Variants in PLXNC1 observed in about 807,000 individuals in gnomAD.
The protein encoded by PLXNC1 is plexin C1.
Under a neutral mutation model 178.2 loss-of-function variants are expected in PLXNC1, and 75 were observed. That is an observed-to-expected ratio of 0.42 (90% CI 0.35 to 0.51). The LOEUF (loss-of-function observed/expected upper bound fraction) is 0.51, where lower values mean the gene tolerates loss of function less well. Among genes scored for constraint, PLXNC1 ranks in the 20% least tolerant of loss-of-function variants. The pLI is 0.02. For synonymous variants in PLXNC1, 790 were observed against 779.9 expected (o/e 1.01, Z -0.22); for missense variants, 1,503 against 1,984.4 (o/e 0.76, Z 4.61).
chr12:94,156,237 T>C (rs1961162508), intron 1 of PLXNC1, among the ~76,000 whole-genome samples: 1 of 152,220 alleles, frequency 6.6e-6, no homozygotes, highest in African/African-American at 2.4e-5. Context: ...TTACTACTAA[T>C]AGTGTTAGGA....
At chr12:94,150,727 C>A (rs1216869580) in intron 1 of PLXNC1, 1 of 152,366 alleles carries the variant, frequency 6.6e-6, no homozygotes, top group Non-Finnish European at 1.5e-5. Context: ...AGAGGCTGGG[C>A]GGGAGGTGGC....
chr12:94,233,529 G>C (rs775505801), intron 9 of PLXNC1, among the ~76,000 whole-genome samples: 2 of 152,206 alleles, frequency 1.3e-5, no homozygotes, highest in Non-Finnish European at 2.9e-5. Flanking sequence ...AGAGAAGTGA[G>C]TCTTGATCTC....
At chr12:94,257,470 C>CT (rs1964875223) in intron 17 of PLXNC1, among the ~76,000 whole-genome samples, 1 of 152,108 alleles carries the variant, frequency 6.6e-6, no homozygotes, top group Non-Finnish European at 1.5e-5. Context: ...AGGAAGCAGC[C>CT]TTAAAACTCA....
In PLXNC1 at chr12:94,297,367, G is replaced by A. The variant is rs1968041630; in HGVS notation, c.4018G>A (p.Gly1340Arg). 3 of 1,613,992 alleles carry A rather than the reference G, an allele frequency of 1.9e-6. No homozygotes were observed. Among genetic ancestry groups the A allele is most frequent in the Non-Finnish European group, 1.7e-6 (2 of 1,179,956 alleles). The change falls in exon 26 of 31, where the codon GGG (glycine) becomes AGG (arginine). Residue 1340 changes from glycine to arginine, a missense_variant. Gly to Arg is a moderately radical substitution (Grantham distance 125). This residue lies in a region of PLXNC1 where 639 missense variants were observed against 979.7 expected (regional missense o/e 0.65). Coordinates refer to ENST00000258526, the MANE Select transcript of PLXNC1 (RefSeq NM_005761.3). Reference sequence around the variant, plus strand: ...AGATGTGCAAGGAAAGAGACATCGAGGGAAGCACAAGTTCAAAGTAAAAGA... The same window carrying A: ...AGATGTGCAAGGAAAGAGACATCGAAGGAAGCACAAGTTCAAAGTAAAAGA... ...FQDVQGKRHR[G>R]KHKFKVKEMY...
chr12:94,279,167 G>T (rs999473747), intron 21 of PLXNC1, among the ~76,000 whole-genome samples: 3 of 152,062 alleles, frequency 2.0e-5, no homozygotes, highest in Non-Finnish European at 4.4e-5. Flanking sequence ...TTTCTTTTGA[G>T]GAGAAATTAG....
chr12:94,234,128 G>T (rs899405623), intron 9 of PLXNC1, among the ~76,000 whole-genome samples: 1 of 144,452 alleles, frequency 6.9e-6, no homozygotes, highest in Non-Finnish European at 1.5e-5. Flanking sequence ...CAGAGAGTTT[G>T]CTATATTCAG....
intron 21 of PLXNC1, among the ~76,000 whole-genome samples, chr12:94,272,702 CTG>C (rs1302318597): frequency 2.0e-5 from 3 of 152,250 alleles, no homozygotes; most frequent in Non-Finnish European, 2.9e-5. Context: ...CCCACTGAAT[CTG>C]GAGCATACTG....
intron 4 of PLXNC1, among the ~76,000 whole-genome samples, chr12:94,192,442 GT>G (rs1426759697): frequency 6.6e-6 from 1 of 151,380 alleles, no homozygotes; most frequent in Non-Finnish European, 1.5e-5. Context: ...ATGTGTATCA[GT>G]TAGGTTTCTG....
intron 1 of PLXNC1, chr12:94,150,716 G>A (rs1960929428): frequency 6.6e-6 from 1 of 152,486 alleles, no homozygotes; most frequent in South Asian, 2.1e-4. Context: ...CAGCCGCCGG[G>A]AGAGGCTGGG....
rs117324576 is a variant in PLXNC1 at position 94,220,010 on chromosome 12, G to T, written c.1555-6G>T. 6.8e-6 allele frequency: 11 copies of T among 1,612,734 alleles called. No individual in the cohort carries two copies. Among genetic ancestry groups the T allele is most frequent in the Non-Finnish European group, 8.5e-6 (10 of 1,179,232 alleles). Reference sequence around the variant, plus strand: ...ATCATTTTTTCCCCATATCTTCCCCGCACAGACTACAGTGACTATGGTGGG... The same window carrying T: ...ATCATTTTTTCCCCATATCTTCCCCTCACAGACTACAGTGACTATGGTGGG... On this transcript the variant is annotated splice_polypyrimidine_tract_variant and splice_region_variant and intron_variant, in intron 5 of 30. Transcript: ENST00000258526.
intron 9 of PLXNC1, among the ~76,000 whole-genome samples, chr12:94,230,785 C>A (rs1384027052): frequency 1.3e-5 from 2 of 152,220 alleles, no homozygotes; most frequent in Non-Finnish European, 2.9e-5. Flanking sequence ...TGCTTCAATG[C>A]ATCTGCCCAC....
At chr12:94,165,581 T>TGCTC (rs1565788619) in intron 1 of PLXNC1, among the ~76,000 whole-genome samples, 1 of 149,314 alleles carries the variant, frequency 6.7e-6, no homozygotes, top group Non-Finnish European at 1.5e-5. Flanking sequence ...AGAACTGCAG[T>TGCTC]TTAGTGTCCG....
At chr12:94,215,858 A>AC (rs1378619785) in intron 5 of PLXNC1, among the ~76,000 whole-genome samples, 2 of 152,246 alleles carry the variant, frequency 1.3e-5, no homozygotes, top group Non-Finnish European at 2.9e-5. Flanking sequence ...AACCAACAGA[A>AC]AATGAAGTTG....
rs541215496 is a variant in PLXNC1, at chr12:94,181,370, G to C, written c.1204-76G>C. 1,249 of 991,672 alleles carry C rather than the reference G, an allele frequency of 1.3e-3. 4 individuals are homozygous for C. The highest frequency in any genetic ancestry group is 5.2e-3 in the Middle Eastern group (15 of 2,910). 61.4% of individuals were successfully genotyped at this position (991,672 alleles called of 1,614,324 possible). On this transcript the variant is annotated intron_variant, in intron 2 of 30. Coordinates refer to ENST00000258526, the MANE Select transcript of PLXNC1 (RefSeq NM_005761.3). ...GCCAATGCATTCCAGCCTGGCGACA[G>C]AGCGAGATTCCGTCTCAAAAAAAAA...
intron 17 of PLXNC1, among the ~76,000 whole-genome samples, chr12:94,257,545 G>A (rs953465383): frequency 2.6e-5 from 4 of 152,164 alleles, no homozygotes; most frequent in African/African-American, 7.2e-5. Context: ...AGGCCGAGGC[G>A]GGTGGATCAC....
chr12:94,169,169 C>G lies in PLXNC1; in HGVS notation c.1079C>G (p.Pro360Arg). Reference sequence around the variant, plus strand: ...CATGTTCAGAAAGAAGGGGATCAACCTGAAAGAGTCCAACCAATCGCATCA... The same window carrying G: ...CATGTTCAGAAAGAAGGGGATCAACGTGAAAGAGTCCAACCAATCGCATCA... ...AESHCKEGDQ[P>R]ERVQPIASST... The change falls in exon 2 of 31, where the codon CCT becomes CGT. Residue 360 changes from proline (P) to arginine (R), a missense_variant. Transcript: ENST00000258526. 1 of 1,613,846 alleles carries G rather than the reference C, an allele frequency of 6.2e-7. No homozygotes were observed.
intron 23 of PLXNC1, 23 bp downstream of exon 23, chr12:94,282,424 T>C: frequency 2.7e-6 from 4 of 1,468,482 alleles, no homozygotes; most frequent in Non-Finnish European, 3.8e-6. Context: ...CTTGACCCCG[T>C]GTCTCCTTCC....
rs1207684973 is a variant in PLXNC1 at position 94,259,367 on chromosome 12, G to A, written c.3118G>A (p.Asp1040Asn). Residue 1040 changes from aspartate to asparagine, a missense_variant, in exon 18 of 31, where the codon GAT becomes AAT. This residue lies in a region of PLXNC1 where 639 missense variants were observed against 979.7 expected (regional missense o/e 0.65). Coordinates refer to ENST00000258526, the MANE Select transcript of PLXNC1 (RefSeq NM_005761.3). ...SGGFTHIFTE[D>N]MHNRDANDKN... ...TGGCTTCACCCACATCTTCACTGAA[G>A]ATATGCATGTAAGTCTCTACGTTTT... The A allele has an allele frequency of 1.3e-6, 2 of 1,597,444 alleles. No individual in the cohort carries two copies. Among genetic ancestry groups the A allele is most frequent in the Non-Finnish European group, 1.7e-6 (2 of 1,174,770 alleles).
intron 21 of PLXNC1, among the ~76,000 whole-genome samples, chr12:94,274,123 C>G (rs951512648): frequency 1.1e-4 from 13 of 121,256 alleles, no homozygotes; most frequent in African/African-American, 4.2e-4. Flanking sequence ...GAGTTCAAGA[C>G]TAGCCTGGGC....
Sources: allele counts gnomAD v4.1 joint callset (sites outside exome capture counted in the v4.1 genomes callset), GRCh38; gene constraint gnomAD v4.1.1; regional missense constraint gnomAD v4.1.1; transcripts MANE v1.5; gene names NCBI Gene and HGNC (gene_info 2026-07-23, HGNC 2026-07-21).